The following ASIC2 variants were observed in gnomAD, a reference collection of about 807,000 sequenced individuals.
ASIC2 encodes the protein acid-sensing ion channel 2.
A neutral mutation model predicts 57.3 loss-of-function variants in ASIC2; 25 were observed. The observed-to-expected ratio is 0.44, with a 90% CI of 0.32 to 0.61. The LOEUF (loss-of-function observed/expected upper bound fraction) is 0.61, where lower values mean the gene tolerates loss of function less well. ASIC2 is among the 20% of genes least tolerant of loss of function. The pLI, the probability that ASIC2 is intolerant of heterozygous loss-of-function variation, is 0.06. For missense variants in ASIC2, 641 were observed against 738.1 expected (o/e 0.87, Z 1.52); for synonymous variants, 319 against 307.5 (o/e 1.04, Z -0.39).
intron 1 of ASIC2, among the ~76,000 whole-genome samples, chr17:33,866,682 G>A (rs1012342280): frequency 6.6e-5 from 10 of 152,028 alleles, no homozygotes; most frequent in Non-Finnish European, 1.3e-4. Context: ...GGTACCAATC[G>A]TCCCATAAAA....
intron 1 of ASIC2, among the ~76,000 whole-genome samples, chr17:33,744,279 C>A (rs1390169926): frequency 1.3e-5 from 2 of 152,166 alleles, no homozygotes; most frequent in Non-Finnish European, 2.9e-5. Context: ...TTAAATGGAC[C>A]AAACTGCTGA....
chr17:33,121,410 C>T (rs958261118), intron 1 of ASIC2, among the ~76,000 whole-genome samples: 15 of 151,680 alleles, frequency 9.9e-5, no homozygotes, highest in Admixed American at 3.3e-4. Flanking sequence ...AAGGAAGCTG[C>T]CTGGTGGGCA....
intron 1 of ASIC2, among the ~76,000 whole-genome samples, chr17:33,328,704 T>G (rs1907180059): frequency 6.6e-6 from 1 of 152,196 alleles, no homozygotes; most frequent in Non-Finnish European, 1.5e-5. Flanking sequence ...CCCTTTCTCA[T>G]GCTGCAAGAA....
At chr17:34,097,358 AG>A (rs1317144525) in intron 1 of ASIC2, among the ~76,000 whole-genome samples, 4 of 151,066 alleles carry the variant, frequency 2.6e-5, no homozygotes, top group Non-Finnish European at 5.9e-5. Context: ...ATAGGAGTGG[AG>A]GGGGTGGGAG....
chr17:33,153,887 G>A (rs1489741193), intron 1 of ASIC2, among the ~76,000 whole-genome samples: 2 of 152,180 alleles, frequency 1.3e-5, no homozygotes, highest in Non-Finnish European at 2.9e-5. Context: ...GGTTAGCTCT[G>A]AAGGGCCACT....
chr17:34,104,221 AAATTTT>A (rs1322764261), intron 1 of ASIC2, among the ~76,000 whole-genome samples: 3 of 152,234 alleles, frequency 2.0e-5, no homozygotes, highest in African/African-American at 4.8e-5. Flanking sequence ...ATTGTGAATA[AAATTTT>A]AATTTTATTT....
intron 1 of ASIC2, among the ~76,000 whole-genome samples, chr17:33,761,245 T>C (rs570404929): frequency 2.0e-5 from 3 of 152,304 alleles, no homozygotes; most frequent in African/African-American, 2.4e-5. Flanking sequence ...AGAGATTTTG[T>C]TGGATGGATT....
chr17:33,675,876 C>T (rs1907803820), intron 1 of ASIC2, among the ~76,000 whole-genome samples: 1 of 152,136 alleles, frequency 6.6e-6, no homozygotes, highest in South Asian at 2.1e-4. Context: ...CTGATTTAGC[C>T]TCATTTTATT....
At chr17:33,505,426 C>G (rs1567633344) in intron 1 of ASIC2, among the ~76,000 whole-genome samples, 1 of 152,078 alleles carries the variant, frequency 6.6e-6, no homozygotes, top group Admixed American at 6.6e-5. Context: ...TCTTTCCATA[C>G]TTTGTTTTAT....
chr17:33,972,766 A>G (rs1905258490), intron 1 of ASIC2, among the ~76,000 whole-genome samples: 1 of 152,240 alleles, frequency 6.6e-6, no homozygotes, highest in Non-Finnish European at 1.5e-5. Flanking sequence ...TTGATGAAGA[A>G]TAAGCGTGTT....
intron 1 of ASIC2, among the ~76,000 whole-genome samples, chr17:33,568,518 T>G (rs781366601): frequency 6.6e-6 from 1 of 152,138 alleles, no homozygotes; most frequent in Non-Finnish European, 1.5e-5. Context: ...CTCATTGGCC[T>G]GGTAAACTTC....
intron 1 of ASIC2, among the ~76,000 whole-genome samples, chr17:33,995,417 C>T (rs898258516): frequency 6.6e-6 from 1 of 152,142 alleles, no homozygotes; most frequent in Non-Finnish European, 1.5e-5. Context: ...ATCTCCTCCT[C>T]ACTCTCTGGC....
At chr17:34,131,819 C>T (rs1428868433) in intron 1 of ASIC2, among the ~76,000 whole-genome samples, 1 of 152,206 alleles carries the variant, frequency 6.6e-6, no homozygotes, top group East Asian at 1.9e-4. Flanking sequence ...AAACAAGAGG[C>T]CCTGAAAGGT....
In ASIC2 at chr17:33,278,657, T is replaced by C. The variant is rs568233653; in HGVS notation, c.708+12751A>G. ...TCTGTGAGGGGAGGGTCAGCTCCAT[T>C]TCCCTCTGTATCCCATATTTCCCGG... is the stretch of plus-strand genomic sequence containing the variant. On this transcript the variant is annotated intron_variant, in intron 1 of 9. Transcript: ENST00000225823. Among the ~76,000 whole-genome samples, 3 of 152,254 alleles carry C rather than the reference T, an allele frequency of 2.0e-5. No individual in the cohort carries two copies. In the East Asian group the frequency reaches 5.8e-4, roughly 29 times the overall value.
intron 4 of ASIC2, among the ~76,000 whole-genome samples, chr17:33,027,948 A>T (rs999164471): frequency 6.6e-6 from 1 of 152,260 alleles, no homozygotes; most frequent in African/African-American, 2.4e-5. Context: ...GCATCCAGTT[A>T]TCTGGAAGCT....
chr17:33,317,596 G>C (rs922166274), intron 1 of ASIC2, among the ~76,000 whole-genome samples: 1 of 152,172 alleles, frequency 6.6e-6, no homozygotes, highest in East Asian at 1.9e-4. Context: ...ATAAAAAGTC[G>C]ACAGATGTTT....
chr17:33,109,115 G>T (rs1187277759), intron 2 of ASIC2, among the ~76,000 whole-genome samples: 3 of 152,104 alleles, frequency 2.0e-5, no homozygotes, highest in South Asian at 2.1e-4. Context: ...TGTGGGTGAG[G>T]CATAAAAGAC....
At chr17:33,412,033 A>G (rs1910680080) in intron 1 of ASIC2, among the ~76,000 whole-genome samples, 1 of 152,018 alleles carries the variant, frequency 6.6e-6, no homozygotes, top group Admixed American at 6.6e-5. Flanking sequence ...AACAAAACAA[A>G]ACAAAACAAA....
intron 1 of ASIC2, among the ~76,000 whole-genome samples, chr17:33,434,061 G>A (rs1213301030): frequency 6.6e-6 from 1 of 151,590 alleles, no homozygotes; most frequent in Non-Finnish European, 1.5e-5. Context: ...CAGAAGGCTT[G>A]TCAGTATCCA....
Sources: gnomAD v4.1 joint callset for allele counts (sites outside exome capture counted in the v4.1 genomes callset) on GRCh38, gnomAD v4.1.1 for gene constraint, MANE v1.5 for transcripts, NCBI Gene and HGNC (gene_info 2026-07-23, HGNC 2026-07-21) for gene names.